The following OTOG variants were observed in gnomAD, a reference collection of about 807,000 sequenced individuals.
OTOG encodes the protein otogelin.
A neutral mutation model predicts 313.8 loss-of-function variants in OTOG; 296 were observed. The observed-to-expected ratio is 0.94, with a 90% CI of 0.86 to 1.04. The LOEUF is 1.04. OTOG is among the 50% of genes least tolerant of loss of function. The probability of loss-of-function intolerance (pLI) is 0.00; values close to 1 mark genes in which losing one functional copy is unlikely to be tolerated. For synonymous variants in OTOG, 1,533 were observed against 1,554.9 expected (o/e 0.99, Z 0.33); for missense variants, 3,948 against 3,840.1 (o/e 1.03, Z -0.74).
chr11:17,595,073 C>T (rs888530558), intron 28 of OTOG, among the ~76,000 whole-genome samples: 1 of 152,152 alleles, frequency 6.6e-6, no homozygotes. Flanking sequence ...GGGAAGTACA[C>T]GGAGATGAGC....
At chr11:17,599,909 G>T (rs1853206928) in intron 31 of OTOG, among the ~76,000 whole-genome samples, 1 of 152,152 alleles carries the variant, frequency 6.6e-6, no homozygotes. Context: ...TGCAGCCCCT[G>T]TCCGGGGCCC....
chr11:17,620,219 C>T (rs1420180504), intron 39 of OTOG, among the ~76,000 whole-genome samples: 1 of 152,202 alleles, frequency 6.6e-6, no homozygotes, highest in Non-Finnish European at 1.5e-5. Flanking sequence ...AAAGGCAACC[C>T]CATACCCATT....
Position 17,640,831 on chromosome 11 carries a change from G to GA in OTOG, c.8011+13dup. On this transcript the variant is annotated intron_variant, in intron 50 of 55. Coordinates refer to ENST00000399397, the MANE Select transcript of OTOG (RefSeq NM_001292063.2). ...CCAAGTACGAGTGTGGTGAGTGGGG[G>GA]AAGCCTCGGGGCAGAGCCATGCAGG... The GA allele has an allele frequency of 6.5e-7, 1 of 1,550,248 alleles. No individual in the cohort carries two copies. The highest frequency in any genetic ancestry group is 1.4e-5 in the African/African-American group (1 of 73,200).
intron 39 of OTOG, among the ~76,000 whole-genome samples, chr11:17,624,128 C>CT (rs1343168109): frequency 1.3e-5 from 2 of 152,094 alleles, no homozygotes; most frequent in African/African-American, 4.8e-5. Context: ...TTGATAGTTT[C>CT]TTTTGCTGTG....
At chr11:17,602,943 G>A (rs1853291591) in intron 32 of OTOG, among the ~76,000 whole-genome samples, 1 of 152,208 alleles carries the variant, frequency 6.6e-6, no homozygotes, top group African/African-American at 2.4e-5. Flanking sequence ...CTTAGAGTCA[G>A]GAGAGCCTTG....
rs191722806 is a variant in OTOG at position 17,632,199 on chromosome 11, A to G, written c.7045A>G (p.Ile2349Val). The change falls in exon 42 of 56, where the codon ATC becomes GTC. Residue 2349 changes from isoleucine to valine, a missense_variant. Physicochemically the swap from Ile to Val is conservative, Grantham distance 29. Transcript: ENST00000399397. ...VAMCHKFHVC[I>V]EWRRSDYCPF... ...CATGTGCCACAAATTTCATGTGTGC[A>G]TCGAGTGGCGGCGCTCTGACTACTG... 1,197 of 1,551,014 alleles carry G rather than the reference A, an allele frequency of 7.7e-4. 6 individuals are homozygous for G. In the African/African-American group the frequency reaches 0.015, roughly 19 times the overall value.
intron 45 of OTOG, 57 bp from the exon 46 acceptor site, chr11:17,635,023 C>T (rs1854228916): frequency 1.3e-6 from 2 of 1,533,584 alleles, no homozygotes; most frequent in African/African-American, 2.8e-5. Context: ...GGGGCAGGGG[C>T]CCAGGGGTGG....
At chr11:17,634,042 C>T (rs1854197892) in intron 43 of OTOG, 27 bp from the exon 44 acceptor site, 2 of 1,534,758 alleles carry the variant, frequency 1.3e-6, no homozygotes, top group Non-Finnish European at 1.8e-6. Flanking sequence ...TCCTCAGTCC[C>T]TCGCACCCTG....
chr11:17,566,522 G>A (rs1177404520), intron 15 of OTOG, among the ~76,000 whole-genome samples: 1 of 152,122 alleles, frequency 6.6e-6, no homozygotes, highest in Non-Finnish European at 1.5e-5. Context: ...GTATCTACAT[G>A]TGCTAAACAT....
chr11:17,583,145 T>A (rs10766411), intron 23 of OTOG, among the ~76,000 whole-genome samples: 36,298 of 151,864 alleles, frequency 0.24, 5,154 homozygotes, highest in African/African-American at 0.41. Context: ...TATTATTATT[T>A]TTTTTTACAG....
intron 48 of OTOG, among the ~76,000 whole-genome samples, chr11:17,639,207 G>A (rs966250237): frequency 2.6e-5 from 4 of 152,080 alleles, no homozygotes; most frequent in African/African-American, 4.8e-5. Context: ...ACCCATCACT[G>A]CCCACCTACC....
chr11:17,608,828 A>C (rs991354451), intron 34 of OTOG, among the ~76,000 whole-genome samples: 10 of 152,198 alleles, frequency 6.6e-5, no homozygotes, highest in Non-Finnish European at 1.5e-4. Flanking sequence ...GTGCCCAGGC[A>C]GAGACACATG....
rs766449838 is a variant in OTOG, at chr11:17,561,187, G to A, written c.1498+50G>A. On this transcript the variant is annotated intron_variant, in intron 14 of 55. Coordinates refer to ENST00000399397, the MANE Select transcript of OTOG (RefSeq NM_001292063.2). ...TAGGATCCCTTCTACCAGTCTGATA[G>A]GTTTTGGGGCAAGGAATCTCTGGGG... The A allele has an allele frequency of 2.2e-5, 34 of 1,546,028 alleles. 1 individual carries two copies. The South Asian group carries it at 3.8e-4, about 17-fold the overall frequency.
intron 14 of OTOG, 37 bp downstream of exon 14, chr11:17,561,174 T>C: frequency 6.5e-7 from 1 of 1,549,498 alleles, no homozygotes; most frequent in Non-Finnish European, 8.7e-7. Context: ...GGATCCCTTC[T>C]ACCAGTCTGA....
In OTOG at chr11:17,629,246, G is replaced by T. The variant is rs1854057085; in HGVS notation, c.6642G>T (p.Trp2214Cys). 3 of 1,550,498 alleles carry T rather than the reference G, an allele frequency of 1.9e-6. No individual in the cohort carries two copies. Among genetic ancestry groups the T allele is most frequent in the Non-Finnish European group, 2.6e-6 (3 of 1,147,012 alleles). ...CTCCCTCAGACATCCAGATCCAGTG[G>T]CTCCACAGCTCAGGACTCATGATCG... Reference protein sequence around the residue: ...ILTPSDIQIQWLHSSGLMIVE... With the variant: ...ILTPSDIQIQCLHSSGLMIVE... The change falls in exon 40 of 56, where the codon TGG becomes TGT. Residue 2214 changes from tryptophan to cysteine, a missense_variant. Coordinates refer to ENST00000399397, the MANE Select transcript of OTOG (RefSeq NM_001292063.2).
chr11:17,634,518 C>T (rs1315827359), intron 44 of OTOG, among the ~76,000 whole-genome samples: 3 of 152,042 alleles, frequency 2.0e-5, no homozygotes, highest in African/African-American at 7.2e-5. Context: ...CACCTGTAGC[C>T]TTGTGGCCTC....
chr11:17,639,995 GATGGTGATGGTGGTGATAATGCAATGACA>G (rs1260171269), intron 49 of OTOG, among the ~76,000 whole-genome samples: 8 of 148,552 alleles, frequency 5.4e-5, no homozygotes, highest in East Asian at 2.0e-4. Flanking sequence ...ATGCAGTGAC[GATGGTGATGGTGGTGATAATGCAATGACA>G]ATGGTGGTAG....
At chr11:17,592,649 A>T (rs1346763668) in intron 25 of OTOG, among the ~76,000 whole-genome samples, 1 of 152,196 alleles carries the variant, frequency 6.6e-6, no homozygotes, top group Non-Finnish European at 1.5e-5. Flanking sequence ...TATAGTTGGT[A>T]CACACTTTTT....
intron 3 of OTOG, among the ~76,000 whole-genome samples, chr11:17,550,103 A>T (rs1221933987): frequency 6.6e-6 from 1 of 152,196 alleles, no homozygotes; most frequent in African/African-American, 2.4e-5. Flanking sequence ...CATCCTTTTC[A>T]ATTATTATTA....
Sources: gnomAD v4.1 joint callset for allele counts (sites outside exome capture counted in the v4.1 genomes callset) on GRCh38, gnomAD v4.1.1 for gene constraint, MANE v1.5 for transcripts, NCBI Gene and HGNC (gene_info 2026-07-23, HGNC 2026-07-21) for gene names.